The following ANKS1B variants were observed in gnomAD, a reference collection of about 807,000 sequenced individuals.
ANKS1B encodes ankyrin repeat and sterile alpha motif domain containing 1B.
ANKS1B carries 36 observed loss-of-function variants against 148.3 expected under a neutral mutation model. That is an observed-to-expected ratio of 0.24 (90% CI 0.19 to 0.32). The LOEUF is 0.32. Ranked by LOEUF, ANKS1B falls within the 10% of genes least tolerant of loss-of-function variation. The pLI is 1.00. For missense variants in ANKS1B, 1,157 were observed against 1,542.6 expected (o/e 0.75, Z 4.19); for synonymous variants, 542 against 560.8 (o/e 0.97, Z 0.47).
intron 11 of ANKS1B, among the ~76,000 whole-genome samples, chr12:99,429,450 A>G (rs2095326165): frequency 6.6e-6 from 1 of 152,234 alleles, no homozygotes; most frequent in African/African-American, 2.4e-5. Context: ...AAAGTCAAGA[A>G]AAGACTGAAG....
At chr12:99,784,220 G>A (rs2064733918) in intron 4 of ANKS1B, among the ~76,000 whole-genome samples, 1 of 145,496 alleles carries the variant, frequency 6.9e-6, no homozygotes, top group Non-Finnish European at 1.5e-5. Flanking sequence ...GGCGCAGGCT[G>A]GAGTGCAGTG....
In ANKS1B at chr12:99,302,185, C is replaced by T. The variant is rs1031652911; in HGVS notation, c.1757-55321G>A. On this transcript the variant is annotated intron_variant, in intron 12 of 26. Transcript: ENST00000683438. ...ATGAAAAGATTTTTTACATGAAAAT[C>T]ATATTTTTTGGAATAAATGATGTGC... Among the ~76,000 whole-genome samples the T allele has an allele frequency of 4.6e-5, 7 of 152,106 alleles. No homozygotes were observed. The East Asian group carries it at 1.4e-3, about 29-fold the overall frequency.
intron 22 of ANKS1B, 30 bp from the exon 23 acceptor site, chr12:98,782,167 G>T: frequency 6.3e-7 from 1 of 1,579,702 alleles, no homozygotes; most frequent in Non-Finnish European, 8.6e-7. Flanking sequence ...AGACAGATGG[G>T]AACATAATAG....
chr12:99,004,480 T>A (rs2099934948), intron 17 of ANKS1B, among the ~76,000 whole-genome samples: 1 of 152,192 alleles, frequency 6.6e-6, no homozygotes, highest in Non-Finnish European at 1.5e-5. Context: ...GGGCTCTTAA[T>A]AAGTCTTAGA....
intron 17 of ANKS1B, among the ~76,000 whole-genome samples, chr12:99,005,554 G>C (rs1334591134): frequency 1.3e-5 from 2 of 152,186 alleles, no homozygotes; most frequent in East Asian, 3.8e-4. Flanking sequence ...AAATGCCTCA[G>C]ATCTAGCTAT....
chr12:99,375,951 C>T (rs995271121), intron 12 of ANKS1B, among the ~76,000 whole-genome samples: 7 of 152,110 alleles, frequency 4.6e-5, no homozygotes, highest in African/African-American at 7.2e-5. Flanking sequence ...AGAACTAGAA[C>T]GTGGAATATT....
chr12:99,276,215 C>A (rs961550098), intron 12 of ANKS1B, among the ~76,000 whole-genome samples: 3 of 152,176 alleles, frequency 2.0e-5, no homozygotes, highest in South Asian at 2.1e-4. Context: ...GTGAATATTT[C>A]ATCTCACTAG....
intron 17 of ANKS1B, among the ~76,000 whole-genome samples, chr12:99,033,940 C>G (rs2099953905): frequency 6.6e-6 from 1 of 152,192 alleles, no homozygotes; most frequent in African/African-American, 2.4e-5. Context: ...TGCCTGTGCC[C>G]TGGAGAAGTG....
At chr12:99,898,474 A>G (rs1756729437) in intron 1 of ANKS1B, among the ~76,000 whole-genome samples, 1 of 152,216 alleles carries the variant, frequency 6.6e-6, no homozygotes, top group Admixed American at 6.5e-5. Flanking sequence ...AGATGAATTT[A>G]TAGGCAAGTC....
chr12:98,956,116 C>G (rs577416268), intron 17 of ANKS1B, among the ~76,000 whole-genome samples: 13 of 152,168 alleles, frequency 8.5e-5, no homozygotes, highest in Admixed American at 2.0e-4. Flanking sequence ...CTCTTTATCC[C>G]AAGCCTGGTC....
intron 16 of ANKS1B, chr12:99,083,790 G>C (rs1013765734): frequency 6.6e-6 from 1 of 151,972 alleles, no homozygotes; most frequent in South Asian, 2.1e-4. Context: ...GTTTTTATAT[G>C]GTTCCTGGGG....
At chr12:99,885,787 T>C (rs564597304) in intron 1 of ANKS1B, among the ~76,000 whole-genome samples, 15 of 152,250 alleles carry the variant, frequency 9.9e-5, no homozygotes, top group African/African-American at 3.1e-4. Context: ...TCAATGTTCA[T>C]TATATCACTC....
chr12:99,265,675 G>A (rs1023013009), intron 12 of ANKS1B, among the ~76,000 whole-genome samples: 7 of 152,114 alleles, frequency 4.6e-5, no homozygotes, highest in Admixed American at 2.0e-4. Context: ...GCTTCTCACA[G>A]TTGTCCTCAT....
chr12:98,791,967 ATTG>A (rs1215957806), intron 22 of ANKS1B, among the ~76,000 whole-genome samples: 1 of 152,168 alleles, frequency 6.6e-6, no homozygotes, highest in Non-Finnish European at 1.5e-5. Context: ...CATTCCCTCT[ATTG>A]TTTCCTAAAA....
intron 9 of ANKS1B, among the ~76,000 whole-genome samples, chr12:99,515,657 T>C (rs1032961152): frequency 6.6e-6 from 1 of 152,010 alleles, no homozygotes; most frequent in East Asian, 1.9e-4. Flanking sequence ...ATCTCTTCCA[T>C]ATAGTGTTTT....
At chr12:99,413,569 T>C (rs1014602548) in intron 11 of ANKS1B, among the ~76,000 whole-genome samples, 14 of 152,168 alleles carry the variant, frequency 9.2e-5, no homozygotes, top group African/African-American at 3.1e-4. Flanking sequence ...TGGGAATAAA[T>C]AGTATCTAAT....
chr12:99,267,555 G>C (rs2076567709), intron 12 of ANKS1B, among the ~76,000 whole-genome samples: 1 of 101,080 alleles, frequency 9.9e-6, no homozygotes, highest in Admixed American at 8.4e-5. Flanking sequence ...AAGATTATTT[G>C]GCTGTACATT....
chr12:99,462,995 G>C (rs137886978), intron 10 of ANKS1B, among the ~76,000 whole-genome samples: 7 of 152,162 alleles, frequency 4.6e-5, no homozygotes, highest in Non-Finnish European at 8.8e-5. Flanking sequence ...CTGCAGAACT[G>C]CAAGCCAAAC....
chr12:99,156,671 A>C (rs1378293363), intron 14 of ANKS1B, among the ~76,000 whole-genome samples: 4 of 152,144 alleles, frequency 2.6e-5, no homozygotes, highest in Non-Finnish European at 4.4e-5. Flanking sequence ...TGCTATTTCC[A>C]TTATGAAACC....
Sources: allele counts gnomAD v4.1 joint callset (sites outside exome capture counted in the v4.1 genomes callset), GRCh38; gene constraint gnomAD v4.1.1; transcripts MANE v1.5; gene names NCBI Gene and HGNC (gene_info 2026-07-23, HGNC 2026-07-21).